Variants in MACROD2 observed in about 807,000 individuals in gnomAD.
The protein encoded by MACROD2 is mono-ADP ribosylhydrolase 2.
A neutral mutation model predicts 70.4 loss-of-function variants in MACROD2; 36 were observed. The ratio of observed to expected loss-of-function variants is 0.51; its 90% CI spans 0.39 to 0.68. The LOEUF (loss-of-function observed/expected upper bound fraction) is 0.68. Among genes scored for constraint, MACROD2 ranks in the 30% least tolerant of loss-of-function variants. MACROD2 has a pLI of 0.00. For missense variants in MACROD2, 496 were observed against 538.4 expected (o/e 0.92, Z 0.78); for synonymous variants, 172 against 178.8 (o/e 0.96, Z 0.30).
At chr20:14,642,240 G>C (rs1568715669) in intron 4 of MACROD2, among the ~76,000 whole-genome samples, 1 of 152,150 alleles carries the variant, frequency 6.6e-6, no homozygotes, top group Non-Finnish European at 1.5e-5. Flanking sequence ...TCATAGAATA[G>C]AAGAGAGTTA....
At chr20:14,712,955 T>C (rs1420825563) in intron 5 of MACROD2, among the ~76,000 whole-genome samples, 6 of 152,116 alleles carry the variant, frequency 3.9e-5, no homozygotes, top group African/African-American at 1.4e-4. Context: ...CAACAGTAAT[T>C]TCCAACATCT....
At chr20:15,118,549 C>T (rs1053897717) in intron 5 of MACROD2, among the ~76,000 whole-genome samples, 5 of 152,214 alleles carry the variant, frequency 3.3e-5, no homozygotes, top group Admixed American at 3.3e-4. Context: ...GCACTGAATC[C>T]TGACTGTATC....
At chr20:14,501,745 A>T (rs1351304313) in intron 4 of MACROD2, among the ~76,000 whole-genome samples, 2 of 152,180 alleles carry the variant, frequency 1.3e-5, no homozygotes, top group Non-Finnish European at 2.9e-5. Context: ...AAAAAGAAAT[A>T]AAAATAATGG....
chr20:14,608,371 G>T (rs1982948910), intron 4 of MACROD2, among the ~76,000 whole-genome samples: 1 of 152,246 alleles, frequency 6.6e-6, no homozygotes, highest in South Asian at 2.1e-4. Context: ...TGGCCCATAA[G>T]TTTTACATTA....
intron 8 of MACROD2, among the ~76,000 whole-genome samples, chr20:15,826,728 G>A (rs1315729893): frequency 6.6e-6 from 1 of 152,172 alleles, no homozygotes; most frequent in East Asian, 1.9e-4. Flanking sequence ...AGGAAAATGT[G>A]TCTGTACAAT....
At chr20:14,108,549 G>A (rs1373925738) in intron 3 of MACROD2, among the ~76,000 whole-genome samples, 3 of 150,130 alleles carry the variant, frequency 2.0e-5, no homozygotes. Flanking sequence ...GACACACATA[G>A]ACTAAAAATA....
In MACROD2 at chr20:15,164,403, G is replaced by T. The variant is rs144279443; in HGVS notation, c.419-65537G>T. 3.5e-3 allele frequency among the ~76,000 whole-genome samples: 525 copies of T among 152,072 alleles called. 2 individuals are homozygous for T. Among genetic ancestry groups the T allele is most frequent in the African/African-American group, 0.012 (488 of 41,498 alleles). ...AGAAGGTGGGAAGGAGAGAGGCCTT[G>T]AACCAACCCCACAAAGACAGGAACA... On this transcript the variant is annotated intron_variant, in intron 5 of 17. Transcript: ENST00000684519.
chr20:15,686,370 T>C (rs554026934), intron 8 of MACROD2, among the ~76,000 whole-genome samples: 1 of 152,234 alleles, frequency 6.6e-6, no homozygotes, highest in East Asian at 1.9e-4. Flanking sequence ...TATAAAAGAT[T>C]TGAAAATCAC....
At chr20:14,841,724 C>A (rs969875516) in intron 5 of MACROD2, among the ~76,000 whole-genome samples, 3 of 151,982 alleles carry the variant, frequency 2.0e-5, no homozygotes, top group African/African-American at 7.2e-5. Flanking sequence ...TATAAGTAAA[C>A]TTGAGTTTTC....
At chr20:16,042,455 C>T (rs2067319910) in intron 16 of MACROD2, among the ~76,000 whole-genome samples, 1 of 152,006 alleles carries the variant, frequency 6.6e-6, no homozygotes, top group Non-Finnish European at 1.5e-5. Flanking sequence ...TTTTAGTCCT[C>T]ACTTAGAGAT....
At chr20:14,037,983 A>G (rs1445587755) in intron 2 of MACROD2, among the ~76,000 whole-genome samples, 2 of 152,012 alleles carry the variant, frequency 1.3e-5, no homozygotes, top group Non-Finnish European at 2.9e-5. Flanking sequence ...GGGCGAGATA[A>G]CTGTCTCAAT....
chr20:15,055,675 A>T (rs141463656), intron 5 of MACROD2, among the ~76,000 whole-genome samples: 21 of 152,208 alleles, frequency 1.4e-4, no homozygotes, highest in African/African-American at 4.8e-4. Flanking sequence ...ATTGTAATGG[A>T]TAATATTAAG....
intron 3 of MACROD2, among the ~76,000 whole-genome samples, chr20:14,322,153 T>G (rs2082666846): frequency 7.5e-6 from 1 of 133,566 alleles, no homozygotes; most frequent in Non-Finnish European, 1.6e-5. Flanking sequence ...AGGTGGAGAC[T>G]TGTATCTTGA....
intron 2 of MACROD2, among the ~76,000 whole-genome samples, chr20:14,055,820 T>C (rs2053625863): frequency 6.6e-6 from 1 of 152,070 alleles, no homozygotes; most frequent in African/African-American, 2.4e-5. Flanking sequence ...TTTACTTGTT[T>C]GTGTTCTATA....
At chr20:14,375,179 T>C (rs192207681) in intron 3 of MACROD2, among the ~76,000 whole-genome samples, 1 of 152,224 alleles carries the variant, frequency 6.6e-6, no homozygotes, top group African/African-American at 2.4e-5. Flanking sequence ...AAATAAAAAA[T>C]ACTCTATAGA....
At chr20:15,471,211 G>A (rs1284873957) in intron 7 of MACROD2, among the ~76,000 whole-genome samples, 2 of 152,064 alleles carry the variant, frequency 1.3e-5, no homozygotes, top group East Asian at 3.8e-4. Context: ...CATCACACAT[G>A]CTCTCCTTCC....
intron 6 of MACROD2, among the ~76,000 whole-genome samples, chr20:15,361,861 T>A (rs1473481628): frequency 6.6e-6 from 1 of 152,160 alleles, no homozygotes; most frequent in Non-Finnish European, 1.5e-5. Context: ...ACATGTTCAT[T>A]TATAGCATGC....
intron 5 of MACROD2, among the ~76,000 whole-genome samples, chr20:14,909,930 C>G (rs1353500889): frequency 6.6e-6 from 1 of 152,152 alleles, no homozygotes; most frequent in Non-Finnish European, 1.5e-5. Context: ...CCTTATCCTA[C>G]AGCCTAGTAC....
At chr20:14,180,317 A>G (rs571457856) in intron 3 of MACROD2, among the ~76,000 whole-genome samples, 157 of 152,306 alleles carry the variant, frequency 1.0e-3, no homozygotes, top group Non-Finnish European at 1.9e-3. Flanking sequence ...AGTGTGTTTT[A>G]GAAGATAAAC....
Sources: allele counts gnomAD v4.1 joint callset (sites outside exome capture counted in the v4.1 genomes callset), GRCh38; gene constraint gnomAD v4.1.1; transcripts MANE v1.5; gene names NCBI Gene and HGNC (gene_info 2026-07-23, HGNC 2026-07-21).